SLC27A4: variants seen among roughly 807,000 people sequenced by gnomAD.
The protein encoded by SLC27A4 is long-chain fatty acid transport protein 4.
In SLC27A4, 33 loss-of-function variants were observed where a neutral mutation model predicts 64.4. The observed-to-expected ratio is 0.51, with a 90% CI of 0.39 to 0.68. The LOEUF is 0.68. SLC27A4 is among the 30% of genes least tolerant of loss of function. The pLI is 0.00. For missense variants in SLC27A4, 824 were observed against 883.5 expected, an observed-to-expected ratio of 0.93 and a Z score of 0.85; for synonymous variants, 377 against 370.0, an observed-to-expected ratio of 1.02 and a Z score of -0.22.
At position 128,348,652 on chromosome 9, in the gene SLC27A4, C is replaced by G. The variant is rs1195284143; in HGVS notation, c.664C>G (p.Leu222Val). The change falls in exon 4 of 13, where the codon CTG becomes GTG. Residue 222 changes from leucine to valine, a missense_variant. Transcript: ENST00000300456. ...PPSTEHLDPL[L>V]KDAPKHLPSC... ...AAGCACAGAACACCTGGACCCTCTG[C>G]TGAAAGATGCTCCCAAGCACCTTCC... The G allele has an allele frequency of 1.2e-6, 2 of 1,613,992 alleles. No individual in the cohort carries two copies. Among genetic ancestry groups the G allele is most frequent in the African/African-American group, 1.3e-5 (1 of 74,940 alleles).
chr9:128,347,879 GAAA>G (rs112671132), intron 3 of SLC27A4, among the ~76,000 whole-genome samples: 3 of 68,076 alleles, frequency 4.4e-5, no homozygotes, highest in Admixed American at 1.5e-4. Context: ...AAAAGCAAAA[GAAA>G]AAAAAAAAAA....
chr9:128,359,436 C>G (rs1415716601), intron 12 of SLC27A4, among the ~76,000 whole-genome samples: 5 of 152,084 alleles, frequency 3.3e-5, no homozygotes, highest in Non-Finnish European at 5.9e-5. Flanking sequence ...CCAGCCTGAC[C>G]AACATGGTGA....
chr9:128,350,240 G>A (rs1832712290), intron 4 of SLC27A4, 72 bp from the exon 5 acceptor site: 1 of 1,251,046 alleles, frequency 8.0e-7, no homozygotes, highest in Admixed American at 1.7e-5. Context: ...CACACCTGCA[G>A]GTGTCCATTT....
chr9:128,348,271 A>G (rs548594260), intron 3 of SLC27A4, among the ~76,000 whole-genome samples: 1 of 152,300 alleles, frequency 6.6e-6, no homozygotes, highest in African/African-American at 2.4e-5. Flanking sequence ...CGGAGCGTCA[A>G]TCTTCTCATC....
At chr9:128,340,948 T>C in intron 1 of SLC27A4, 110 bp downstream of exon 1, 1 of 480,716 alleles carries the variant, frequency 2.1e-6, no homozygotes, top group Non-Finnish European at 3.8e-6. Context: ...CGGCGCTATT[T>C]CCCCGACAGA....
rs1379347201 is a variant in SLC27A4, at chr9:128,348,606, G to T, written c.618G>T (p.Trp206Cys). 1.2e-6 allele frequency: 2 copies of T among 1,613,778 alleles called. No individual in the cohort carries two copies. The highest frequency in any genetic ancestry group is 2.2e-5 in the East Asian group (1 of 44,866). ...TCAGCCTCTTCTGCTCTGGCTCCTG[G>T]GAGCCCGGTGCGGTGCCTCCAAGCA... is the stretch of plus-strand genomic sequence containing the variant. Reference protein sequence around the residue: ...PSLSLFCSGSWEPGAVPPSTE... With the variant: ...PSLSLFCSGSCEPGAVPPSTE... The change falls in exon 4 of 13, where the codon TGG becomes TGT. Residue 206 changes from tryptophan (W) to cysteine (C), a missense_variant. Transcript: ENST00000300456.
chr9:128,359,570 A>T (rs1029737638), intron 12 of SLC27A4, among the ~76,000 whole-genome samples: 1 of 152,230 alleles, frequency 6.6e-6, no homozygotes, highest in African/African-American at 2.4e-5. Context: ...GGTTGCAGTG[A>T]GCCAAGATCG....
intron 4 of SLC27A4, among the ~76,000 whole-genome samples, chr9:128,349,160 C>T (rs938609669): frequency 6.6e-6 from 1 of 152,202 alleles, no homozygotes; most frequent in Admixed American, 6.5e-5. Context: ...TGCTGCCTCC[C>T]TGACCCCACC....
chr9:128,342,572 G>T, intron 1 of SLC27A4: 1 of 571,942 alleles, frequency 1.7e-6, no homozygotes, highest in Non-Finnish European at 3.1e-6. Context: ...GGGAAGGAAA[G>T]AACTTGCTTG....
chr9:128,354,718 C>T (rs1481162001), intron 9 of SLC27A4, among the ~76,000 whole-genome samples: 1 of 151,454 alleles, frequency 6.6e-6, no homozygotes, highest in African/African-American at 2.4e-5. Context: ...GAGGCCGAGG[C>T]GGGTGGATCA....
In SLC27A4 at chr9:128,354,884, T is replaced by C. The variant is rs1354160577; in HGVS notation, c.1325-169T>C. 4.6e-4 allele frequency among the ~76,000 whole-genome samples: 65 copies of C among 140,288 alleles called. 1 individual carries two copies. Among genetic ancestry groups the C allele is most frequent in the Non-Finnish European group, 1.7e-4 (11 of 66,582 alleles). The allele number at this position is 140,288 out of a possible 152,430, so 92.0% of individuals were successfully genotyped here. On this transcript the variant is annotated intron_variant, in intron 9 of 12. Transcript: ENST00000300456. ...AGGAGAATTGCTTGAACCCAGGAGG[T>C]AGAGGTTGCAGTAAGCCAAGATTGC...
intron 6 of SLC27A4, among the ~76,000 whole-genome samples, chr9:128,352,131 CT>C (rs1206909482): frequency 6.6e-6 from 1 of 151,252 alleles, no homozygotes; most frequent in Non-Finnish European, 1.5e-5. Flanking sequence ...GAAGGCGGAG[CT>C]TGCAGTGAGC....
In SLC27A4 at chr9:128,355,520, C is replaced by T; in HGVS notation, c.1585C>T (p.Leu529=). Residue 529 remains leucine, a synonymous_variant, in exon 11 of 13, where the codon CTG becomes TTG. Transcript: ENST00000300456. ...GGTGGAAGGCACACTCAGCCGCCTG[C>T]TGGACATGGCTGACGTGGCCGTGTA... ...TEVEGTLSRL[L]DMADVAVYGV... 6.2e-7 allele frequency: 1 copy of T among 1,612,858 alleles called. No homozygotes were observed. Among genetic ancestry groups the T allele is most frequent in the South Asian group, 1.1e-5 (1 of 91,086 alleles).
chr9:128,351,946 G>GGAGGCC (rs1403020632), intron 6 of SLC27A4, among the ~76,000 whole-genome samples: 2 of 151,514 alleles, frequency 1.3e-5, no homozygotes, highest in Admixed American at 1.3e-4. Flanking sequence ...CAACACTTTG[G>GGAGGCC]GAGGCCGAGG....
intron 12 of SLC27A4, among the ~76,000 whole-genome samples, chr9:128,356,716 C>T (rs1479332330): frequency 2.4e-5 from 3 of 126,784 alleles, no homozygotes; most frequent in African/African-American, 3.5e-5. Context: ...CCAAGGTGGG[C>T]GGATCATTTG....
At position 128,343,171 on chromosome 9, in the gene SLC27A4, C is replaced by T. The variant is rs1832602243; in HGVS notation, c.39C>T (p.Phe13=). The T allele has an allele frequency of 6.2e-7, 1 of 1,614,114 alleles. No individual in the cohort carries two copies. Among genetic ancestry groups the T allele is most frequent in the South Asian group, 1.1e-5 (1 of 91,082 alleles). The part of the protein sequence containing the change: ...LGASLVGVLL[F]SKLVLKLPWT... ...CCTCTCTGGTGGGGGTGCTGCTGTT[C>T]TCCAAGCTGGTGCTGAAACTGCCCT... The change falls in exon 2 of 13, where the codon TTC becomes TTT. Residue 13 remains phenylalanine, a synonymous_variant. Coordinates refer to ENST00000300456, the MANE Select transcript of SLC27A4 (RefSeq NM_005094.4).
Position 128,353,476 on chromosome 9 carries a change from G to T in SLC27A4, c.1259G>T (p.Arg420Leu), listed in dbSNP as rs546174669. The T allele has an allele frequency of 1.9e-6, 3 of 1,614,130 alleles. No homozygotes were observed. Among genetic ancestry groups the T allele is most frequent in the Non-Finnish European group, 1.7e-6 (2 of 1,180,032 alleles). ...TTCGTGTACCCCATCCGGTTGGTAC[G>T]TGTCAACGAGGACACCATGGAGCTG... ...LSFVYPIRLV[R>L]VNEDTMELIR... The change falls in exon 9 of 13, where the codon CGT (arginine) becomes CTT (leucine). Residue 420 changes from arginine to leucine, a missense_variant. By Grantham distance (102) the Arg-to-Leu change is moderately radical. Coordinates refer to ENST00000300456, the MANE Select transcript of SLC27A4 (RefSeq NM_005094.4). This position sits in a 1 kb window ranked among gnomAD's most constrained non-coding sequence, Gnocchi z 4.9.
chr9:128,352,835 GGT>G (rs1832757689), intron 7 of SLC27A4, 88 bp downstream of exon 7: 1 of 1,165,096 alleles, frequency 8.6e-7, no homozygotes, highest in Non-Finnish European at 1.3e-6. Context: ...TTATAGCTGA[GGT>G]GGCCAGTCAT....
chr9:128,350,680 G>A, intron 6 of SLC27A4, 105 bp downstream of exon 6: 2 of 912,286 alleles, frequency 2.2e-6, no homozygotes, highest in South Asian at 1.4e-5. Context: ...TTTGGGCCAG[G>A]CGCAGTGACT....
Sources: allele counts gnomAD v4.1 joint callset (sites outside exome capture counted in the v4.1 genomes callset), GRCh38; gene constraint gnomAD v4.1.1; non-coding constraint Gnocchi (gnomAD v3.1); transcripts MANE v1.5; gene names NCBI Gene and HGNC (gene_info 2026-07-23, HGNC 2026-07-21).